The following EXOC4 variants were observed in gnomAD, a reference collection of about 807,000 sequenced individuals.
EXOC4 encodes the protein exocyst complex component 4, also known as SEC8-like 1.
EXOC4 carries 71 observed loss-of-function variants against 107.2 expected under a neutral mutation model. The observed-to-expected ratio is 0.66, with a 90% CI of 0.55 to 0.81. EXOC4 has a LOEUF of 0.81. EXOC4 is among the 30% of genes least tolerant of loss of function. EXOC4 has a pLI of 0.00. For synonymous variants in EXOC4, 456 were observed against 441.2 expected (o/e 1.03, Z -0.42); for missense variants, 1,108 against 1,189.6 (o/e 0.93, Z 1.01).
chr7:133,906,567 G>A (rs944667854), intron 12 of EXOC4, among the ~76,000 whole-genome samples: 32 of 152,318 alleles, frequency 2.1e-4, no homozygotes, highest in Non-Finnish European at 4.1e-4. Flanking sequence ...AGCCGGCAAC[G>A]GCTACCCTCT....
chr7:133,715,492 T>TC (rs1057021636), intron 10 of EXOC4, among the ~76,000 whole-genome samples: 4 of 152,084 alleles, frequency 2.6e-5, no homozygotes, highest in Non-Finnish European at 4.4e-5. Flanking sequence ...TTTTTTTTTT[T>TC]TGGAAGGGGG....
Position 133,475,337 on chromosome 7 carries a change from A to G in EXOC4, c.1192A>G (p.Thr398Ala). Residue 398 changes from threonine to alanine, a missense_variant, in exon 8 of 18, where the codon ACT (threonine) becomes GCT (alanine). Coordinates refer to ENST00000253861, the MANE Select transcript of EXOC4 (RefSeq NM_021807.4). The part of the protein sequence containing the change: ...KIQDVLQMLL[T>A]EYLDMKNTRT... ...TTATCTGGTTGTACAGATGCTATTA[A>G]CTGAGTACTTGGATATGAAAAATAC... 6.2e-7 allele frequency: 1 copy of G among 1,612,730 alleles called. No homozygotes were observed. The highest frequency in any genetic ancestry group is 1.1e-5 in the South Asian group (1 of 90,916).
At chr7:133,619,473 G>C (rs1802275033) in intron 9 of EXOC4, among the ~76,000 whole-genome samples, 1 of 152,142 alleles carries the variant, frequency 6.6e-6, no homozygotes, top group African/African-American at 2.4e-5. Flanking sequence ...AAACAAGATT[G>C]ATAGGCTCAA....
At chr7:133,623,855 G>T (rs192330171) in intron 9 of EXOC4, among the ~76,000 whole-genome samples, 4 of 152,290 alleles carry the variant, frequency 2.6e-5, no homozygotes, top group African/African-American at 7.2e-5. Flanking sequence ...GGTAGGAGCA[G>T]CAACAGCATT....
At chr7:133,980,517 A>T (rs940745430) in intron 14 of EXOC4, among the ~76,000 whole-genome samples, 6 of 152,254 alleles carry the variant, frequency 3.9e-5, no homozygotes, top group African/African-American at 1.4e-4. Context: ...AAGTGGTTGA[A>T]TCATAATGTA....
At chr7:133,594,450 TG>T (rs1801616368) in intron 9 of EXOC4, among the ~76,000 whole-genome samples, 1 of 150,458 alleles carries the variant, frequency 6.6e-6, no homozygotes, top group Non-Finnish European at 1.5e-5. Flanking sequence ...AGGTTACATT[TG>T]TTATGGAGAG....
intron 7 of EXOC4, among the ~76,000 whole-genome samples, chr7:133,463,404 G>T (rs1232626207): frequency 6.6e-6 from 1 of 152,114 alleles, no homozygotes; most frequent in African/African-American, 2.4e-5. Context: ...GCATTGTTTT[G>T]ACCTGCTTAC....
At chr7:133,774,014 G>A (rs1387215254) in intron 10 of EXOC4, among the ~76,000 whole-genome samples, 1 of 152,142 alleles carries the variant, frequency 6.6e-6, no homozygotes, top group South Asian at 2.1e-4. Flanking sequence ...TTCAAAACAC[G>A]TAGCTGGGAT....
At chr7:133,433,612 A>T (rs944827917) in intron 7 of EXOC4, among the ~76,000 whole-genome samples, 3 of 152,154 alleles carry the variant, frequency 2.0e-5, no homozygotes, top group Non-Finnish European at 2.9e-5. Flanking sequence ...GTGGTTTGTT[A>T]CTCAGTATTG....
chr7:133,443,205 G>T (rs976588888), intron 7 of EXOC4, among the ~76,000 whole-genome samples: 7 of 152,130 alleles, frequency 4.6e-5, no homozygotes, highest in African/African-American at 1.4e-4. Context: ...TGGTTGTGGA[G>T]GCTAGACCTC....
intron 10 of EXOC4, 58 bp downstream of exon 10, chr7:133,630,199 G>T (rs1802556649): frequency 1.5e-6 from 2 of 1,338,656 alleles, no homozygotes; most frequent in South Asian, 1.2e-5. Flanking sequence ...ATTTATGCTG[G>T]TCTACTGAAT....
At chr7:133,896,654 T>TTTTATTTTA (rs1563048155) in intron 12 of EXOC4, among the ~76,000 whole-genome samples, 37 of 132,684 alleles carry the variant, frequency 2.8e-4, no homozygotes, top group African/African-American at 8.6e-4. Flanking sequence ...ATTTTATTTA[T>TTTTATTTTA]TTTATTTATT....
chr7:133,840,695 A>G (rs949144246), intron 11 of EXOC4, among the ~76,000 whole-genome samples: 1 of 151,568 alleles, frequency 6.6e-6, no homozygotes, highest in Non-Finnish European at 1.5e-5. Flanking sequence ...GTTGGACAGG[A>G]TGGTCTCCAT....
At chr7:133,421,942 T>C (rs1797617095) in intron 7 of EXOC4, among the ~76,000 whole-genome samples, 1 of 152,198 alleles carries the variant, frequency 6.6e-6, no homozygotes, top group African/African-American at 2.4e-5. Context: ...TTTAATTTAC[T>C]AAGAGAAATG....
At chr7:133,654,845 G>GT (rs1306639232) in intron 10 of EXOC4, among the ~76,000 whole-genome samples, 2 of 152,104 alleles carry the variant, frequency 1.3e-5, no homozygotes, top group African/African-American at 4.8e-5. Context: ...TCAACAGCAG[G>GT]TTACTGTTCT....
At chr7:133,702,330 T>C in intron 10 of EXOC4, among the ~76,000 whole-genome samples, 1 of 2,494 alleles carries the variant, frequency 4.0e-4, no homozygotes. Context: ...GTTTGTTCAT[T>C]CTCTTCTCTT....
At chr7:133,778,171 T>C (rs1796385024) in intron 10 of EXOC4, among the ~76,000 whole-genome samples, 1 of 152,204 alleles carries the variant, frequency 6.6e-6, no homozygotes, top group Admixed American at 6.5e-5. Context: ...CAAGTTGCCA[T>C]CCATCCTACT....
chr7:133,968,391 G>A (rs1801120661), intron 14 of EXOC4, among the ~76,000 whole-genome samples: 1 of 152,148 alleles, frequency 6.6e-6, no homozygotes, highest in African/African-American at 2.4e-5. Flanking sequence ...TATGATGCTA[G>A]CTGGTTATTT....
intron 7 of EXOC4, among the ~76,000 whole-genome samples, chr7:133,393,662 C>G (rs1330105084): frequency 6.6e-6 from 1 of 152,176 alleles, no homozygotes; most frequent in Admixed American, 6.5e-5. Flanking sequence ...CTCGACAGTT[C>G]TGCCACGTGG....
Sources: gnomAD v4.1 joint callset for allele counts (sites outside exome capture counted in the v4.1 genomes callset) on GRCh38, gnomAD v4.1.1 for gene constraint, MANE v1.5 for transcripts, NCBI Gene and HGNC (gene_info 2026-07-23, HGNC 2026-07-21) for gene names.